Variants in KCNQ3 observed in about 807,000 individuals in gnomAD.
KCNQ3 encodes potassium voltage-gated channel subfamily Q member 3, also known as potassium voltage-gated channel subfamily KQT member 3.
KCNQ3 carries 30 observed loss-of-function variants against 92.5 expected under a neutral mutation model. That is an observed-to-expected ratio of 0.32 (90% CI 0.24 to 0.44). The LOEUF (loss-of-function observed/expected upper bound fraction) is 0.44. KCNQ3 is among the 20% of genes least tolerant of loss of function. The pLI is 1.00. For synonymous variants in KCNQ3, 450 were observed against 468.8 expected (o/e 0.96, Z 0.52); for missense variants, 913 against 1,140.3 (o/e 0.80, Z 2.87).
chr8:132,415,410 C>T (rs1379526612), intron 1 of KCNQ3, among the ~76,000 whole-genome samples: 1 of 152,180 alleles, frequency 6.6e-6, no homozygotes, highest in East Asian at 1.9e-4. Context: ...ATGTCACCAC[C>T]ATCACCACCC....
At chr8:132,349,851 T>C (rs1009579690) in intron 1 of KCNQ3, among the ~76,000 whole-genome samples, 2 of 152,160 alleles carry the variant, frequency 1.3e-5, no homozygotes, top group African/African-American at 2.4e-5. Context: ...CCACTGACAA[T>C]TGGGGACAGC....
intron 1 of KCNQ3, among the ~76,000 whole-genome samples, chr8:132,457,261 T>A (rs1468456408): frequency 6.6e-6 from 1 of 152,206 alleles, no homozygotes; most frequent in Non-Finnish European, 1.5e-5. Context: ...AACAGTCCTA[T>A]CCATAATAGC....
chr8:132,152,619 A>T (rs1825673537), intron 9 of KCNQ3, among the ~76,000 whole-genome samples: 1 of 152,210 alleles, frequency 6.6e-6, no homozygotes, highest in Non-Finnish European at 1.5e-5. Flanking sequence ...CAGAGCCAAT[A>T]CAAGCCCCTT....
chr8:132,474,188 T>G (rs1310256351), intron 1 of KCNQ3, among the ~76,000 whole-genome samples: 2 of 152,218 alleles, frequency 1.3e-5, no homozygotes, highest in Non-Finnish European at 2.9e-5. Context: ...CAGGTATGTA[T>G]GACTTTTAAG....
In KCNQ3 at chr8:132,186,077, G is replaced by T; in HGVS notation, c.477+14C>A. ...AGCCCAACCAGAAGCATTTACCCCAGAATGCAATCTTACCAGTAACAGAAG... is the reference window on the plus strand; with the variant it reads ...AGCCCAACCAGAAGCATTTACCCCATAATGCAATCTTACCAGTAACAGAAG... On this transcript the variant is annotated intron_variant, in intron 2 of 14. Coordinates refer to ENST00000388996, the MANE Select transcript of KCNQ3 (RefSeq NM_004519.4). The T allele has an allele frequency of 6.3e-7, 1 of 1,596,870 alleles. No individual in the cohort carries two copies. The highest frequency in any genetic ancestry group is 8.6e-7 in the Non-Finnish European group (1 of 1,164,512).
At chr8:132,340,611 G>T (rs768889242) in intron 1 of KCNQ3, among the ~76,000 whole-genome samples, 3 of 151,642 alleles carry the variant, frequency 2.0e-5, no homozygotes, top group Admixed American at 6.6e-5. Context: ...GGGCCTATTG[G>T]GGGGTGGTGG....
intron 1 of KCNQ3, among the ~76,000 whole-genome samples, chr8:132,330,967 G>A (rs939637646): frequency 1.2e-4 from 18 of 152,166 alleles, no homozygotes; most frequent in Admixed American, 6.5e-4. Flanking sequence ...TAAAGGCAGC[G>A]TCCACTGGGG....
intron 9 of KCNQ3, among the ~76,000 whole-genome samples, chr8:132,157,394 A>G (rs1000381738): frequency 1.4e-4 from 22 of 152,230 alleles, no homozygotes; most frequent in African/African-American, 5.3e-4. Context: ...GCTTCTCTAC[A>G]TGGAAGGAGG....
intron 6 of KCNQ3, among the ~76,000 whole-genome samples, chr8:132,173,075 G>A (rs564394111): frequency 1.3e-3 from 193 of 152,340 alleles, no homozygotes; most frequent in Admixed American, 2.1e-3. Context: ...AAGGGGTACT[G>A]CACAAAATAG....
At chr8:132,463,043 G>A (rs113063174) in intron 1 of KCNQ3, among the ~76,000 whole-genome samples, 2 of 152,182 alleles carry the variant, frequency 1.3e-5, no homozygotes, top group African/African-American at 4.8e-5. Context: ...ACAACCTTTA[G>A]CTTTTATCAG....
At chr8:132,183,076 A>G (rs971824012) in intron 3 of KCNQ3, among the ~76,000 whole-genome samples, 3 of 152,170 alleles carry the variant, frequency 2.0e-5, no homozygotes, top group Non-Finnish European at 4.4e-5. Flanking sequence ...GACAAAGGAC[A>G]TGGTCCAGCT....
chr8:132,433,493 C>T (rs141424692), intron 1 of KCNQ3, among the ~76,000 whole-genome samples: 244 of 152,350 alleles, frequency 1.6e-3, no homozygotes, highest in African/African-American at 5.6e-3. Flanking sequence ...CCAAGGCCAA[C>T]ACATGTGGGA....
intron 11 of KCNQ3, among the ~76,000 whole-genome samples, chr8:132,138,708 C>T (rs979810019): frequency 2.6e-5 from 4 of 152,220 alleles, no homozygotes; most frequent in Non-Finnish European, 5.9e-5. Context: ...GTTCAAATCC[C>T]TAATCACAGG....
intron 1 of KCNQ3, among the ~76,000 whole-genome samples, chr8:132,188,680 G>A (rs1313445119): frequency 1.3e-5 from 2 of 152,128 alleles, no homozygotes; most frequent in Non-Finnish European, 2.9e-5. Context: ...ACATAGTACT[G>A]GTTTTAAGGA....
chr8:132,251,788 G>C (rs1439145975), intron 1 of KCNQ3, among the ~76,000 whole-genome samples: 2 of 152,214 alleles, frequency 1.3e-5, no homozygotes, highest in Admixed American at 1.3e-4. Flanking sequence ...CATAGTTATA[G>C]AGAGACAGCT....
chr8:132,333,283 C>G (rs1022364007), intron 1 of KCNQ3, among the ~76,000 whole-genome samples: 2 of 150,616 alleles, frequency 1.3e-5, no homozygotes, highest in Middle Eastern at 3.2e-3. Flanking sequence ...TAAGAAAGTT[C>G]AGAGAGAGAG....
intron 1 of KCNQ3, among the ~76,000 whole-genome samples, chr8:132,374,070 A>G (rs1329515027): frequency 6.6e-6 from 1 of 152,040 alleles, no homozygotes; most frequent in Non-Finnish European, 1.5e-5. Flanking sequence ...GCTCTCATGG[A>G]CCAGAGCCTC....
intron 1 of KCNQ3, among the ~76,000 whole-genome samples, chr8:132,402,958 C>T (rs1820377848): frequency 7.4e-6 from 1 of 134,530 alleles, no homozygotes; most frequent in Admixed American, 9.0e-5. Context: ...GCAGAGATTG[C>T]AGTGAGCCAA....
At chr8:132,423,307 T>G (rs974160991) in intron 1 of KCNQ3, among the ~76,000 whole-genome samples, 1 of 152,322 alleles carries the variant, frequency 6.6e-6, no homozygotes, top group East Asian at 1.9e-4. Context: ...GTTCCAGGAC[T>G]TTAACCCAAT....
Sources: gnomAD v4.1 joint callset for allele counts (sites outside exome capture counted in the v4.1 genomes callset) on GRCh38, gnomAD v4.1.1 for gene constraint, MANE v1.5 for transcripts, NCBI Gene and HGNC (gene_info 2026-07-23, HGNC 2026-07-21) for gene names.